Variants in SCLT1 observed in about 807,000 individuals in gnomAD.
The protein encoded by SCLT1 is sodium channel and clathrin linker 1, also known as sodium channel-associated protein 1.
In SCLT1, 78 loss-of-function variants were observed where a neutral mutation model predicts 112.8. That is an observed-to-expected ratio of 0.69 (90% CI 0.58 to 0.83). The LOEUF (loss-of-function observed/expected upper bound fraction) is 0.83, where lower values mean the gene tolerates loss of function less well. Among genes scored for constraint, SCLT1 ranks in the 40% least tolerant of loss-of-function variants. The pLI, the probability that SCLT1 is intolerant of heterozygous loss-of-function variation, is 0.00. For missense variants in SCLT1, 747 were observed against 770.4 expected (o/e 0.97, Z 0.36); for synonymous variants, 257 against 254.7 (o/e 1.01, Z -0.09).
intron 2 of SCLT1, among the ~76,000 whole-genome samples, chr4:129,046,206 T>C (rs1748162372): frequency 6.6e-6 from 1 of 152,112 alleles, no homozygotes; most frequent in Non-Finnish European, 1.5e-5. Context: ...TGTCTTCATT[T>C]TGCACAGTTC....
intron 1 of SCLT1, among the ~76,000 whole-genome samples, chr4:129,088,423 T>C (rs1175305539): frequency 1.3e-5 from 2 of 152,204 alleles, no homozygotes; most frequent in South Asian, 4.1e-4. Flanking sequence ...TACCTAATTC[T>C]GAAAGACAAA....
chr4:128,887,639 T>A (rs1022714955), intron 20 of SCLT1, among the ~76,000 whole-genome samples: 4 of 152,204 alleles, frequency 2.6e-5, no homozygotes, highest in Non-Finnish European at 4.4e-5. Flanking sequence ...TGAACTGGTC[T>A]CATTTTGTTC....
intron 10 of SCLT1, among the ~76,000 whole-genome samples, chr4:128,967,975 T>C (rs1435401177): frequency 1.3e-5 from 2 of 152,196 alleles, no homozygotes; most frequent in Non-Finnish European, 2.9e-5. Flanking sequence ...AACTTAGCCA[T>C]TAATCTTATC....
chr4:128,913,795 C>T (rs1735272655), intron 18 of SCLT1, among the ~76,000 whole-genome samples: 1 of 152,174 alleles, frequency 6.6e-6, no homozygotes. Flanking sequence ...CCATCTATCA[C>T]ATATTTAATT....
intron 2 of SCLT1, among the ~76,000 whole-genome samples, chr4:129,080,709 C>T (rs977177819): frequency 6.6e-6 from 1 of 152,240 alleles, no homozygotes; most frequent in African/African-American, 2.4e-5. Flanking sequence ...GCCCATTATG[C>T]AGTTCCAAAG....
intron 15 of SCLT1, 114 bp downstream of exon 15, chr4:128,948,382 A>T: frequency 9.1e-7 from 1 of 1,093,494 alleles, no homozygotes; most frequent in South Asian, 2.1e-5. Flanking sequence ...AAAACTTACC[A>T]GGACAATACT....
chr4:129,023,010 T>A (rs542568311), intron 5 of SCLT1, among the ~76,000 whole-genome samples: 2 of 152,240 alleles, frequency 1.3e-5, no homozygotes, highest in East Asian at 3.9e-4. Flanking sequence ...TTAAAGAGAA[T>A]AATTTTCAAC....
intron 20 of SCLT1, among the ~76,000 whole-genome samples, chr4:128,886,146 G>C (rs1579278933): frequency 6.6e-6 from 1 of 152,040 alleles, no homozygotes; most frequent in East Asian, 1.9e-4. Flanking sequence ...GCATTGAAAG[G>C]CTTCACCACG....
intron 10 of SCLT1, among the ~76,000 whole-genome samples, chr4:128,965,657 ATAT>A (rs1456572853): frequency 2.0e-5 from 3 of 152,110 alleles, no homozygotes; most frequent in Non-Finnish European, 4.4e-5. Flanking sequence ...TCTCTTAACT[ATAT>A]TATTCTATGT....
At chr4:129,025,143 G>A (rs951741623) in intron 5 of SCLT1, among the ~76,000 whole-genome samples, 2 of 152,212 alleles carry the variant, frequency 1.3e-5, no homozygotes, top group South Asian at 2.1e-4. Flanking sequence ...TTATTCAGGA[G>A]AACTTCCCCA....
chr4:128,874,313 CTAAAT>C (rs893677850), intron 5 of SCLT1: 2 of 152,424 alleles, frequency 1.3e-5, no homozygotes, highest in African/African-American at 4.8e-5. Flanking sequence ...GAAAGAAAAT[CTAAAT>C]TAATCTAGTA....
intron 6 of SCLT1, among the ~76,000 whole-genome samples, chr4:129,001,776 T>A (rs1037676922): frequency 2.0e-5 from 3 of 152,058 alleles, no homozygotes; most frequent in Non-Finnish European, 4.4e-5. Context: ...ACACAGCACC[T>A]TTTGTACATA....
intron 2 of SCLT1, among the ~76,000 whole-genome samples, chr4:129,066,203 T>C (rs1750471243): frequency 6.6e-6 from 1 of 152,012 alleles, no homozygotes; most frequent in South Asian, 2.1e-4. Flanking sequence ...TTAGAAAACA[T>C]ATAAACCAGA....
intron 9 of SCLT1, among the ~76,000 whole-genome samples, chr4:128,980,128 G>A (rs1221783334): frequency 6.6e-6 from 1 of 152,110 alleles, no homozygotes; most frequent in Non-Finnish European, 1.5e-5. Flanking sequence ...GCAATTCTAT[G>A]ACTAAGCACA....
intron 20 of SCLT1, among the ~76,000 whole-genome samples, chr4:128,886,676 C>T (rs1017658807): frequency 2.6e-5 from 4 of 152,000 alleles, no homozygotes; most frequent in Non-Finnish European, 2.9e-5. Context: ...CAGAACAATT[C>T]GTGAAGTGGT....
At chr4:128,943,252 C>A in intron 16 of SCLT1, 64 bp from the exon 17 acceptor site, 1 of 1,163,222 alleles carries the variant, frequency 8.6e-7, no homozygotes. Context: ...AGATAAAAGT[C>A]TGTCTACATT....
At chr4:128,962,763 C>T (rs564129311) in intron 11 of SCLT1, among the ~76,000 whole-genome samples, 7 of 152,232 alleles carry the variant, frequency 4.6e-5, no homozygotes, top group Non-Finnish European at 8.8e-5. Flanking sequence ...GAGCATTCTC[C>T]CTACTGCAAT....
At chr4:128,987,291 T>C (rs1394434250) in intron 9 of SCLT1, among the ~76,000 whole-genome samples, 1 of 152,168 alleles carries the variant, frequency 6.6e-6, no homozygotes, top group Admixed American at 6.6e-5. Flanking sequence ...CAGATACCGA[T>C]GAGCATCCAC....
chr4:128,899,202 C>T (rs548466803), intron 18 of SCLT1, among the ~76,000 whole-genome samples: 3 of 152,160 alleles, frequency 2.0e-5, no homozygotes, highest in Non-Finnish European at 4.4e-5. Context: ...GATACCAAAG[C>T]CTGGCAGAGA....
Sources: gnomAD v4.1 joint callset for allele counts (sites outside exome capture counted in the v4.1 genomes callset) on GRCh38, gnomAD v4.1.1 for gene constraint, MANE v1.5 for transcripts, NCBI Gene and HGNC (gene_info 2026-07-23, HGNC 2026-07-21) for gene names.